LRP1B: variants seen among roughly 807,000 people sequenced by gnomAD.
LRP1B encodes low-density lipoprotein receptor-related protein 1B.
LRP1B carries 217 observed loss-of-function variants against 556.6 expected under a neutral mutation model. The observed-to-expected ratio is 0.39, with a 90% CI of 0.35 to 0.44. LRP1B has a LOEUF of 0.44. Among genes scored for constraint, LRP1B ranks in the 20% least tolerant of loss-of-function variants. The pLI is 1.00. For synonymous variants in LRP1B, 2,047 were observed against 1,865.8 expected, an observed-to-expected ratio of 1.10 and a Z score of -2.50; for missense variants, 5,053 against 5,620.8, an observed-to-expected ratio of 0.90 and a Z score of 3.23.
At chr2:141,615,480 A>G (rs1236454266) in intron 2 of LRP1B, among the ~76,000 whole-genome samples, 1 of 152,204 alleles carries the variant, frequency 6.6e-6, no homozygotes, top group Non-Finnish European at 1.5e-5. Context: ...GAAGGAAACT[A>G]ATGCATTAGG....
chr2:140,358,753 G>A, intron 73 of LRP1B, 68 bp downstream of exon 73: 3 of 1,528,550 alleles, frequency 2.0e-6, no homozygotes, highest in Non-Finnish European at 2.7e-6. Context: ...TTTTTAAAAT[G>A]TTTGTACTCC....
chr2:140,375,049 T>A (rs1683161909), intron 68 of LRP1B, among the ~76,000 whole-genome samples: 2 of 152,120 alleles, frequency 1.3e-5, no homozygotes, highest in Admixed American at 1.3e-4. Flanking sequence ...ATAGAATAGC[T>A]CACATTCTGA....
chr2:140,866,123 C>A (rs746017190), intron 27 of LRP1B, among the ~76,000 whole-genome samples: 10 of 152,050 alleles, frequency 6.6e-5, no homozygotes, highest in South Asian at 2.1e-4. Context: ...ACTGAACATA[C>A]AAATTATTAT....
intron 1 of LRP1B, among the ~76,000 whole-genome samples, chr2:142,030,732 G>A (rs1377960835): frequency 2.0e-5 from 3 of 151,770 alleles, no homozygotes; most frequent in African/African-American, 7.3e-5. Context: ...TTTTATTAGA[G>A]ATGATATGCC....
chr2:142,056,460 A>G (rs2104882624), intron 1 of LRP1B, among the ~76,000 whole-genome samples: 1 of 152,232 alleles, frequency 6.6e-6, no homozygotes, highest in East Asian at 1.9e-4. Context: ...AAATTTGGAA[A>G]GAGCATGGAT....
chr2:141,789,395 A>G (rs1695534588), intron 2 of LRP1B, among the ~76,000 whole-genome samples: 1 of 152,016 alleles, frequency 6.6e-6, no homozygotes, highest in Non-Finnish European at 1.5e-5. Context: ...CCAACAGCAA[A>G]AACAGCCCAC....
intron 25 of LRP1B, among the ~76,000 whole-genome samples, chr2:140,879,149 G>C (rs1284135320): frequency 6.6e-6 from 1 of 152,122 alleles, no homozygotes; most frequent in Admixed American, 6.6e-5. Context: ...AAAGACTTCT[G>C]ATGCATCATC....
intron 7 of LRP1B, among the ~76,000 whole-genome samples, chr2:141,155,383 T>C (rs1023650944): frequency 2.0e-5 from 3 of 151,888 alleles, no homozygotes; most frequent in African/African-American, 7.2e-5. Context: ...TCAAAATAGC[T>C]TTATTGGTAA....
At chr2:141,342,701 C>T (rs1197956636) in intron 3 of LRP1B, among the ~76,000 whole-genome samples, 1 of 152,060 alleles carries the variant, frequency 6.6e-6, no homozygotes, top group African/African-American at 2.4e-5. Context: ...CAAACAAAGC[C>T]TTCAAGAAAT....
intron 3 of LRP1B, among the ~76,000 whole-genome samples, chr2:141,354,958 T>C (rs1301059737): frequency 6.6e-6 from 1 of 152,062 alleles, no homozygotes; most frequent in Non-Finnish European, 1.5e-5. Context: ...AATAGAAAAA[T>C]GTAACAGTTT....
At chr2:142,064,962 C>G (rs1450570345) in intron 1 of LRP1B, among the ~76,000 whole-genome samples, 1 of 146,506 alleles carries the variant, frequency 6.8e-6, no homozygotes, top group African/African-American at 2.5e-5. Context: ...GAGTTTTGGG[C>G]TTTGTCTTAA....
chr2:142,035,766 G>C (rs541226114), intron 1 of LRP1B, among the ~76,000 whole-genome samples: 2 of 151,632 alleles, frequency 1.3e-5, no homozygotes, highest in African/African-American at 4.8e-5. Context: ...ATAACAGAAT[G>C]TTACACCACG....
chr2:142,051,228 G>A (rs1026222616), intron 1 of LRP1B, among the ~76,000 whole-genome samples: 2 of 152,076 alleles, frequency 1.3e-5, no homozygotes, highest in African/African-American at 4.8e-5. Context: ...ATTCACGTAG[G>A]AGGTTGCTGG....
At chr2:141,355,773 A>G (rs1162143668) in intron 3 of LRP1B, among the ~76,000 whole-genome samples, 1 of 151,688 alleles carries the variant, frequency 6.6e-6, no homozygotes, top group Non-Finnish European at 1.5e-5. Context: ...TTTTACCTGA[A>G]TTGGTAATTA....
At chr2:140,453,327 T>C (rs961931814) in intron 62 of LRP1B, among the ~76,000 whole-genome samples, 112 of 152,026 alleles carry the variant, frequency 7.4e-4, no homozygotes, top group Non-Finnish European at 5.6e-4. Flanking sequence ...TTATTTTTCA[T>C]GTTAATCAAT....
intron 41 of LRP1B, among the ~76,000 whole-genome samples, chr2:140,636,664 A>G (rs2105288704): frequency 6.6e-6 from 1 of 152,316 alleles, no homozygotes; most frequent in Admixed American, 6.5e-5. Context: ...TTATTATAAA[A>G]TATTCCAAAG....
intron 7 of LRP1B, among the ~76,000 whole-genome samples, chr2:141,101,914 A>G (rs918690132): frequency 2.2e-4 from 34 of 152,188 alleles, no homozygotes. Flanking sequence ...CACAAGGTTA[A>G]AAGTTTCTGT....
rs1287150813 is a variant in LRP1B at position 140,598,611 on chromosome 2, G to T, written c.7194+20C>A. 4 of 1,583,436 alleles carry T rather than the reference G, an allele frequency of 2.5e-6. No homozygotes were observed. In the African/African-American group the frequency reaches 4.0e-5, roughly 16 times the overall value. On this transcript the variant is annotated intron_variant, in intron 43 of 90. Coordinates refer to ENST00000389484, the MANE Select transcript of LRP1B (RefSeq NM_018557.3). ...TATCATTGTATAACTCTATAACCAA[G>T]AAATTCCTGATTAACTTACATGTCT...
chr2:140,715,461 T>A (rs1218913415), intron 37 of LRP1B, among the ~76,000 whole-genome samples: 1 of 152,022 alleles, frequency 6.6e-6, no homozygotes, highest in African/African-American at 2.4e-5. Context: ...TTTTGGGTAC[T>A]CATGAAGCAT....
Sources: allele counts gnomAD v4.1 joint callset (sites outside exome capture counted in the v4.1 genomes callset), GRCh38; gene constraint gnomAD v4.1.1; transcripts MANE v1.5; gene names NCBI Gene and HGNC (gene_info 2026-07-23, HGNC 2026-07-21).